The following WDR70 variants were observed in gnomAD, a reference collection of about 807,000 sequenced individuals.
The protein encoded by WDR70 is WD repeat-containing protein 70.
In WDR70, 53 loss-of-function variants were observed where a neutral mutation model predicts 88.6. The observed-to-expected ratio is 0.60, with a 90% CI of 0.48 to 0.75. The LOEUF (loss-of-function observed/expected upper bound fraction) is 0.75, where lower values mean the gene tolerates loss of function less well. Among genes scored for constraint, WDR70 ranks in the 30% least tolerant of loss-of-function variants. WDR70 has a pLI of 0.00. For synonymous variants in WDR70, 280 were observed against 270.0 expected, an observed-to-expected ratio of 1.04 and a Z score of -0.36; for missense variants, 610 against 823.2, an observed-to-expected ratio of 0.74 and a Z score of 3.17.
At chr5:37,661,286 G>C (rs6869762) in intron 10 of WDR70, among the ~76,000 whole-genome samples, 6,137 of 152,266 alleles carry the variant, frequency 0.04, 444 homozygotes, top group African/African-American at 0.14. Context: ...CTTTGTGTCT[G>C]TAGGGGGTCT....
intron 10 of WDR70, among the ~76,000 whole-genome samples, chr5:37,667,974 A>C (rs2112587486): frequency 6.6e-6 from 1 of 152,206 alleles, no homozygotes; most frequent in South Asian, 2.1e-4. Context: ...GTTTATTGTG[A>C]ATCTTCAAGA....
chr5:37,587,407 T>A lies in WDR70; in HGVS notation c.918-17657T>A, dbSNP rs951322235. 2.0e-5 allele frequency among the ~76,000 whole-genome samples: 3 copies of A among 152,000 alleles called. No homozygotes were observed. In the South Asian group the frequency reaches 6.2e-4, roughly 32 times the overall value. ...CCTCTTTGCGTCTTTTACACCAATT[T>A]CTAGGATGCACTCCCCACCCCGACA... On this transcript the variant is annotated intron_variant, in intron 9 of 17. Transcript: ENST00000265107.
chr5:37,479,304 C>T (rs779952696), intron 7 of WDR70, among the ~76,000 whole-genome samples: 5 of 150,828 alleles, frequency 3.3e-5, no homozygotes, highest in Admixed American at 1.3e-4. Flanking sequence ...TAATAGATTG[C>T]AGTGGAGAGT....
intron 5 of WDR70, among the ~76,000 whole-genome samples, chr5:37,427,520 A>C (rs1750169172): frequency 6.6e-6 from 1 of 152,166 alleles, no homozygotes; most frequent in Admixed American, 6.5e-5. Context: ...ACATGCTTGC[A>C]CACATACATT....
At chr5:37,719,145 G>A (rs1342013677) in intron 13 of WDR70, among the ~76,000 whole-genome samples, 1 of 152,082 alleles carries the variant, frequency 6.6e-6, no homozygotes, top group Non-Finnish European at 1.5e-5. Flanking sequence ...ATACCTGGCT[G>A]TGGCCATCTG....
chr5:37,518,247 T>A (rs1740954547), intron 9 of WDR70, among the ~76,000 whole-genome samples: 1 of 152,136 alleles, frequency 6.6e-6, no homozygotes, highest in South Asian at 2.1e-4. Flanking sequence ...ACAGTTATAT[T>A]ATTATTGACT....
At chr5:37,551,768 GTTT>G (rs1176757597) in intron 9 of WDR70, among the ~76,000 whole-genome samples, 137 of 92,750 alleles carry the variant, frequency 1.5e-3, no homozygotes, top group South Asian at 6.1e-3. Flanking sequence ...TCATTGTTTA[GTTT>G]TTTTTTTTTT....
intron 7 of WDR70, among the ~76,000 whole-genome samples, chr5:37,475,352 A>G (rs974466806): frequency 1.3e-5 from 2 of 152,066 alleles, no homozygotes; most frequent in Admixed American, 6.6e-5. Context: ...CTCCTGCCTC[A>G]GCCTCCCAAG....
At chr5:37,398,820 T>G (rs1749107626) in intron 5 of WDR70, among the ~76,000 whole-genome samples, 2 of 152,322 alleles carry the variant, frequency 1.3e-5, no homozygotes, top group South Asian at 4.1e-4. Context: ...TTTTATCAGT[T>G]CTAGTGGCTT....
chr5:37,461,912 G>A (rs1330949792), intron 7 of WDR70, among the ~76,000 whole-genome samples: 7 of 152,080 alleles, frequency 4.6e-5, no homozygotes, highest in Admixed American at 4.6e-4. Flanking sequence ...GCTTCCATAA[G>A]GGCATCCTTG....
At chr5:37,520,308 A>G (rs75385107) in intron 9 of WDR70, among the ~76,000 whole-genome samples, 7,432 of 152,236 alleles carry the variant, frequency 0.049, 198 homozygotes, top group South Asian at 0.071. Context: ...CAAATGACAT[A>G]ATTTCACTTT....
chr5:37,392,899 C>T (rs1748885913), intron 4 of WDR70, among the ~76,000 whole-genome samples: 1 of 152,120 alleles, frequency 6.6e-6, no homozygotes. Context: ...CTCGCCTCAG[C>T]CTCCCAAAGT....
At chr5:37,604,887 T>G (rs1327805159) in intron 9 of WDR70, among the ~76,000 whole-genome samples, 177 bp from the exon 10 acceptor site, 2 of 152,212 alleles carry the variant, frequency 1.3e-5, no homozygotes, top group African/African-American at 4.8e-5. Flanking sequence ...TTTCCATGAG[T>G]AACCTCATTT....
intron 10 of WDR70, among the ~76,000 whole-genome samples, chr5:37,686,467 C>T (rs1746603060): frequency 6.6e-6 from 1 of 151,662 alleles, no homozygotes; most frequent in African/African-American, 2.4e-5. Context: ...TTGGACCCAG[C>T]TTAAAAAGTT....
intron 9 of WDR70, among the ~76,000 whole-genome samples, chr5:37,589,249 TACACACACACAC>T (rs57446016): frequency 2.9e-4 from 40 of 140,164 alleles, no homozygotes; most frequent in East Asian, 8.7e-4. Context: ...CCTACACACA[TACACACACACAC>T]ACACACACAC....
intron 5 of WDR70, among the ~76,000 whole-genome samples, chr5:37,409,801 C>T (rs561205874): frequency 6.1e-4 from 92 of 151,666 alleles, no homozygotes; most frequent in Non-Finnish European, 1.1e-3. Flanking sequence ...CCACCATGCC[C>T]GGCTGAGAAA....
Position 37,449,826 on chromosome 5 carries a change from A to G in WDR70, c.686+6454A>G, listed in dbSNP as rs143963003. On this transcript the variant is annotated intron_variant, in intron 7 of 17. Transcript: ENST00000265107. ...AGGTTTGTTACATAGGTATACACGT[A>G]CCATGATGGTTTGCTGTACCCATTA... Among the ~76,000 whole-genome samples, 1,427 of 152,088 alleles carry G rather than the reference A, an allele frequency of 9.4e-3. 19 individuals are homozygous for G. The highest frequency in any genetic ancestry group is 0.033 in the African/African-American group (1,352 of 41,486).
At chr5:37,435,932 A>G (rs16903615) in intron 5 of WDR70, among the ~76,000 whole-genome samples, 8,164 of 152,098 alleles carry the variant, frequency 0.054, 701 homozygotes, top group African/African-American at 0.18. Flanking sequence ...GATGATAAAT[A>G]GATATAGTCT....
intron 7 of WDR70, among the ~76,000 whole-genome samples, chr5:37,463,708 G>A (rs572468537): frequency 3.3e-5 from 5 of 152,258 alleles, no homozygotes; most frequent in Admixed American, 2.0e-4. Flanking sequence ...CTCTTTGATC[G>A]GAATCTTCGT....
Sources: allele counts gnomAD v4.1 joint callset (sites outside exome capture counted in the v4.1 genomes callset), GRCh38; gene constraint gnomAD v4.1.1; transcripts MANE v1.5; gene names NCBI Gene and HGNC (gene_info 2026-07-23, HGNC 2026-07-21).